Variants in CMTM4 observed in about 807,000 individuals in gnomAD.
CMTM4 encodes CKLF-like MARVEL transmembrane domain-containing protein 4.
In CMTM4, 8 loss-of-function variants were observed where a neutral mutation model predicts 19.0. That is an observed-to-expected ratio of 0.42 (90% CI 0.25 to 0.76). The LOEUF (loss-of-function observed/expected upper bound fraction) is 0.76. Ranked by LOEUF, CMTM4 falls within the 30% of genes least tolerant of loss-of-function variation. The probability of loss-of-function intolerance (pLI) is 0.27; values close to 1 mark genes in which losing one functional copy is unlikely to be tolerated. For synonymous variants in CMTM4, 106 were observed against 121.1 expected (o/e 0.88, Z 0.82); for missense variants, 228 against 290.2 (o/e 0.79, Z 1.56).
chr16:66,626,040 G>A (rs1260672281), intron 2 of CMTM4, among the ~76,000 whole-genome samples: 1 of 152,206 alleles, frequency 6.6e-6, no homozygotes, highest in Non-Finnish European at 1.5e-5. Context: ...GGGAAAGAAG[G>A]ACATATGAAA....
At chr16:66,669,795 C>T (rs1205794376) in intron 1 of CMTM4, among the ~76,000 whole-genome samples, 1 of 152,094 alleles carries the variant, frequency 6.6e-6, no homozygotes, top group African/African-American at 2.4e-5. Context: ...CCACCCACCT[C>T]GGCCTCCCAA....
chr16:66,687,645 G>A (rs2017058749), intron 1 of CMTM4, among the ~76,000 whole-genome samples: 2 of 148,284 alleles, frequency 1.3e-5, no homozygotes, highest in South Asian at 2.1e-4. Flanking sequence ...TCTGTTGTCT[G>A]TTCTGGTTGC....
At chr16:66,693,302 A>G (rs1369827098) in intron 1 of CMTM4, among the ~76,000 whole-genome samples, 7 of 152,100 alleles carry the variant, frequency 4.6e-5, no homozygotes, top group African/African-American at 1.7e-4. Flanking sequence ...GCTGGAGCAC[A>G]GTGGCTACTC....
intron 1 of CMTM4, among the ~76,000 whole-genome samples, chr16:66,646,447 T>C (rs1157326108): frequency 6.6e-6 from 1 of 152,136 alleles, no homozygotes; most frequent in Non-Finnish European, 1.5e-5. Context: ...ATATATCACA[T>C]GTATATATTA....
chr16:66,630,503 T>G (rs1192926523), intron 2 of CMTM4, among the ~76,000 whole-genome samples: 1 of 151,760 alleles, frequency 6.6e-6, no homozygotes, highest in Non-Finnish European at 1.5e-5. Context: ...CACGCCTGAC[T>G]GGTTTTCGTA....
intron 1 of CMTM4, among the ~76,000 whole-genome samples, chr16:66,657,518 T>C (rs1403379389): frequency 6.6e-6 from 1 of 152,174 alleles, no homozygotes; most frequent in African/African-American, 2.4e-5. Flanking sequence ...AAATATTCTA[T>C]AAATATACAT....
chr16:66,610,956 T>A, downstream of CMTM4: 1 of 398,452 alleles, frequency 2.5e-6, no homozygotes, highest in Middle Eastern at 6.3e-4. The surrounding 1 kb of genome is among the most constrained non-coding windows in gnomAD (Gnocchi z 4.6). Context: ...AGGTTAGAGC[T>A]CCCAGGCGGT....
the CMTM4 span, among the ~76,000 whole-genome samples, chr16:66,599,946 T>A: frequency 1.3e-5 from 2 of 152,082 alleles, no homozygotes; most frequent in African/African-American, 4.8e-5. Flanking sequence ...CTCATTGTGG[T>A]TTTAATTTGC....
Position 66,619,102 on chromosome 16 carries a change from T to C in CMTM4, c.*2956A>G. 1.0e-6 allele frequency: 1 copy of C among 985,506 alleles called. No individual in the cohort carries two copies. The highest frequency in any genetic ancestry group is 1.2e-6 in the Non-Finnish European group (1 of 829,952). The allele number at this position is 985,506 out of a possible 1,614,324, so 61.0% of individuals were successfully genotyped here. A position where few individuals can be genotyped will look rare whatever the true frequency, so the allele number is the denominator to read the frequency against. On this transcript the variant is annotated 3_prime_UTR_variant, in exon 4 of 4. Transcript: ENST00000394106. ...TGAAACTGCATCTGTTCTTCCCAGC[T>C]TTATGTGGGGCCAACAAGTATCTCC...
chr16:66,618,466 A>G lies in CMTM4; in HGVS notation c.*3592T>C, dbSNP rs2144773150. Reference sequence around the variant, plus strand: ...CTCCTAGGTGCTAAGACCAACCCACAGAAAATCTGGCACAGAAAGGGATTA... The same window carrying G: ...CTCCTAGGTGCTAAGACCAACCCACGGAAAATCTGGCACAGAAAGGGATTA... On this transcript the variant is annotated 3_prime_UTR_variant, in exon 4 of 4. Coordinates refer to ENST00000394106, the MANE Select transcript of CMTM4 (RefSeq NM_181521.3). 4.1e-6 allele frequency: 4 copies of G among 985,496 alleles called. No individual in the cohort carries two copies. Among genetic ancestry groups the G allele is most frequent in the East Asian group, 1.1e-4 (1 of 8,818 alleles). The allele number at this position is 985,496 out of a possible 1,614,324, so 61.0% of individuals were successfully genotyped here. A position where few individuals can be genotyped will look rare whatever the true frequency, so the allele number is the denominator to read the frequency against.
downstream of CMTM4, among the ~76,000 whole-genome samples, chr16:66,612,153 G>A (rs369344144): frequency 1.3e-5 from 2 of 152,168 alleles, no homozygotes; most frequent in Admixed American, 6.5e-5. The surrounding 1 kb of genome is among the most constrained non-coding windows in gnomAD (Gnocchi z 6.0). Flanking sequence ...GGTGGCTCAC[G>A]CCTGTTACCC....
chr16:66,677,204 T>C (rs996494473), intron 1 of CMTM4, among the ~76,000 whole-genome samples: 6 of 152,176 alleles, frequency 3.9e-5, no homozygotes, highest in Admixed American at 3.9e-4. Context: ...GTCATTATAC[T>C]CTAGCCTGGG....
the CMTM4 span, among the ~76,000 whole-genome samples, chr16:66,600,783 C>T: frequency 6.6e-6 from 1 of 152,276 alleles, no homozygotes; most frequent in African/African-American, 2.4e-5. Context: ...AAAGCTGGGG[C>T]CTTGCTGTAC....
Position 66,620,757 on chromosome 16 carries a change from A to G in CMTM4, c.*1301T>C. 1 of 985,814 alleles carries G rather than the reference A, an allele frequency of 1.0e-6. No individual in the cohort carries two copies. 61.1% of individuals were successfully genotyped at this position (985,814 alleles called of 1,614,324 possible). ...AGCTAAAGTGAGGTTTGTAAACATTAAAAACAGTTCAAAGAGGGAAAACCT... is the reference window on the plus strand; with the variant it reads ...AGCTAAAGTGAGGTTTGTAAACATTGAAAACAGTTCAAAGAGGGAAAACCT... On this transcript the variant is annotated 3_prime_UTR_variant, in exon 4 of 4. Transcript: ENST00000394106.
chr16:66,683,185 A>ATGTG (rs1555502523), intron 1 of CMTM4, among the ~76,000 whole-genome samples: 31 of 86,978 alleles, frequency 3.6e-4, no homozygotes, highest in African/African-American at 1.1e-3. Context: ...ACATATGTAT[A>ATGTG]TATATATACA....
Position 66,621,374 on chromosome 16 carries a change from C to T in CMTM4, c.*684G>A, listed in dbSNP as rs1489227316. 1 of 985,722 alleles carries T rather than the reference C, an allele frequency of 1.0e-6. No individual in the cohort carries two copies. The highest frequency in any genetic ancestry group is 1.2e-6 in the Non-Finnish European group (1 of 829,936). 61.1% of individuals were successfully genotyped at this position (985,722 alleles called of 1,614,324 possible). Reference sequence around the variant, plus strand: ...CTGGAAAACAAGATAGTCCCCATAACAAGATGGCCCCCATATTCCTGGAGA... The same window carrying T: ...CTGGAAAACAAGATAGTCCCCATAATAAGATGGCCCCCATATTCCTGGAGA... On this transcript the variant is annotated 3_prime_UTR_variant, in exon 4 of 4. Coordinates refer to ENST00000394106, the MANE Select transcript of CMTM4 (RefSeq NM_181521.3).
intron 2 of CMTM4, among the ~76,000 whole-genome samples, 164 bp from the exon 3 acceptor site, chr16:66,623,666 A>C (rs1422598215): frequency 1.3e-5 from 2 of 152,160 alleles, no homozygotes; most frequent in African/African-American, 4.8e-5. Context: ...AAAGAAGGCA[A>C]AGTTAACAGT....
intron 1 of CMTM4, among the ~76,000 whole-genome samples, chr16:66,653,172 C>T (rs2016341944): frequency 6.6e-6 from 1 of 152,260 alleles, no homozygotes; most frequent in South Asian, 2.1e-4. Flanking sequence ...TGGGTACTTC[C>T]CCAACCTAAC....
the CMTM4 span, among the ~76,000 whole-genome samples, chr16:66,603,306 G>A: frequency 6.7e-6 from 1 of 150,264 alleles, no homozygotes. Context: ...TTTATTTTTT[G>A]AGACAGAGTC....
Sources: gnomAD v4.1 joint callset for allele counts (sites outside exome capture counted in the v4.1 genomes callset) on GRCh38, gnomAD v4.1.1 for gene constraint, Gnocchi (gnomAD v3.1) non-coding constraint, MANE v1.5 for transcripts, NCBI Gene and HGNC (gene_info 2026-07-23, HGNC 2026-07-21) for gene names.